Variants in MYCBP2 observed in about 807,000 individuals in gnomAD.
MYCBP2 encodes E3 ubiquitin-protein ligase MYCBP2.
In MYCBP2, 120 loss-of-function variants were observed where a neutral mutation model predicts 525.3. The ratio of observed to expected loss-of-function variants is 0.23; its 90% confidence interval spans 0.20 to 0.27. MYCBP2 has a LOEUF of 0.27. MYCBP2 is among the 10% of genes least tolerant of loss of function. The probability of loss-of-function intolerance (pLI) is 1.00; values close to 1 mark genes in which losing one functional copy is unlikely to be tolerated. For synonymous variants in MYCBP2, 1,894 were observed against 1,955.8 expected (o/e 0.97, Z 0.83); for missense variants, 4,149 against 5,657.1 (o/e 0.73, Z 8.55).
At chr13:77,160,714 CTACATA>C (rs2057807590) in intron 44 of MYCBP2, among the ~76,000 whole-genome samples, 1 of 152,174 alleles carries the variant, frequency 6.6e-6, no homozygotes, top group African/African-American at 2.4e-5. Flanking sequence ...CTATTACTAA[CTACATA>C]TACCTAGTAT....
rs770229127 is a variant in MYCBP2 at position 77,098,194 on chromosome 13, T to G, written c.8960A>C (p.Lys2987Thr). The G allele has an allele frequency of 1.2e-6, 2 of 1,613,610 alleles. No homozygotes were observed. The highest frequency in any genetic ancestry group is 1.7e-6 in the Non-Finnish European group (2 of 1,179,798). ...TCTATTAGCACATTTTCGACTTATTTTGGGAGATGCTCTCATTTCCTGTTC... is the reference window on the plus strand; with the variant it reads ...TCTATTAGCACATTTTCGACTTATTGTGGGAGATGCTCTCATTTCCTGTTC... ...KDEQEMRASP[K>T]ISRKCANRHT... Residue 2987 changes from lysine to threonine, a missense_variant, in exon 56 of 83, where the codon AAA becomes ACA. By Grantham distance (78) the Lys-to-Thr change is moderately conservative. Coordinates refer to ENST00000544440, the MANE Select transcript of MYCBP2 (RefSeq NM_015057.5).
intron 28 of MYCBP2, among the ~76,000 whole-genome samples, chr13:77,191,236 A>C (rs2061265759): frequency 6.6e-6 from 1 of 152,244 alleles, no homozygotes; most frequent in South Asian, 2.1e-4. Flanking sequence ...CGTGAAAGTT[A>C]TTTTAAAACA....
chr13:77,146,466 C>T (rs1379367770), intron 47 of MYCBP2, among the ~76,000 whole-genome samples: 2 of 150,598 alleles, frequency 1.3e-5, no homozygotes, highest in African/African-American at 4.9e-5. Context: ...CTTTTGAGTA[C>T]ATTAAAATTT....
chr13:77,230,023 T>A (rs563234238), intron 18 of MYCBP2, among the ~76,000 whole-genome samples: 4 of 152,238 alleles, frequency 2.6e-5, no homozygotes, highest in African/African-American at 4.8e-5. Flanking sequence ...CTGTTTCGAA[T>A]ATAGTTTATA....
chr13:77,075,102 G>A (rs976415683), intron 68 of MYCBP2, among the ~76,000 whole-genome samples: 11 of 152,176 alleles, frequency 7.2e-5, no homozygotes, highest in Middle Eastern at 3.2e-3. Flanking sequence ...CAGCTACTTG[G>A]GAGGCTGAGA....
At chr13:77,307,625 CAAAAAAAAAAAAAAAAA>C (rs763388200) in intron 1 of MYCBP2, among the ~76,000 whole-genome samples, 1 of 30,114 alleles carries the variant, frequency 3.3e-5, no homozygotes, top group Admixed American at 3.9e-4. Context: ...GACCCTGTCT[CAAAAAAAAAAAAAAAAA>C]AAAAAAAAAA....
intron 71 of MYCBP2, 28 bp from the exon 72 acceptor site, chr13:77,066,116 C>A (rs559064239): frequency 1.4e-6 from 2 of 1,473,332 alleles, no homozygotes; most frequent in Middle Eastern, 1.7e-4. Context: ...ACTTAAAAAG[C>A]CAATAAATTA....
chr13:77,273,167 A>G (rs1197068660), intron 5 of MYCBP2, among the ~76,000 whole-genome samples: 2 of 152,202 alleles, frequency 1.3e-5, no homozygotes, highest in African/African-American at 4.8e-5. Flanking sequence ...TCAGGGAAAG[A>G]TGGGAAGAAG....
In MYCBP2 at chr13:77,070,843, T is replaced by C; in HGVS notation, c.11824-132A>G. The C allele has an allele frequency of 5.6e-6, 3 of 538,566 alleles. No individual in the cohort carries two copies. The East Asian group carries it at 9.3e-5, about 17-fold the overall frequency. 33.4% of individuals were successfully genotyped at this position (538,566 alleles called of 1,614,324 possible). On this transcript the variant is annotated intron_variant, in intron 68 of 82. Coordinates refer to ENST00000544440, the MANE Select transcript of MYCBP2 (RefSeq NM_015057.5). ...ATTTTTAAAGTAAATTTATTTTAAA[T>C]TGAGGCTTATAATACTAAGACAAAG...
intron 4 of MYCBP2, among the ~76,000 whole-genome samples, chr13:77,275,353 T>A (rs901601500): frequency 6.6e-6 from 1 of 152,236 alleles, no homozygotes; most frequent in African/African-American, 2.4e-5. Flanking sequence ...GTCACAAGAC[T>A]GTTTCCTTCA....
At chr13:77,137,681 T>C (rs2053967254) in intron 52 of MYCBP2, among the ~76,000 whole-genome samples, 1 of 152,116 alleles carries the variant, frequency 6.6e-6, no homozygotes, top group African/African-American at 2.4e-5. Flanking sequence ...CTCCACCTCC[T>C]GAGTTCCAGC....
rs568751882 is a variant in MYCBP2, at chr13:77,052,058, G to A, written c.13648-140C>T. On this transcript the variant is annotated intron_variant, in intron 80 of 82. Transcript: ENST00000544440. ...ACTAGACCATCCCTTGAAATGCCAA[G>A]TGCATGCCCATATTGCTTGCTGACT... 12 of 637,114 alleles carry A rather than the reference G, an allele frequency of 1.9e-5. No homozygotes were observed. The East Asian group carries it at 1.9e-4, about 10-fold the overall frequency. The allele number at this position is 637,114 out of a possible 1,614,324, so 39.5% of individuals were successfully genotyped here.
Position 77,326,333 on chromosome 13 carries a change from A to T in MYCBP2, c.302+141T>A. The stretch of plus-strand genomic sequence containing the variant: ...TCCTATCTCGATAAGTGCTCCTGCC[A>T]ACAGACATCCAGAGCGGACTGAAAG... On this transcript the variant is annotated intron_variant, in intron 1 of 82. Transcript: ENST00000544440. The surrounding 1 kb of genome is among the most constrained non-coding windows in gnomAD (Gnocchi z 4.2). 2.5e-6 allele frequency: 2 copies of T among 812,182 alleles called. No individual in the cohort carries two copies. The highest frequency in any genetic ancestry group is 3.6e-6 in the Non-Finnish European group (2 of 551,364). The allele number at this position is 812,182 out of a possible 1,614,324, so 50.3% of individuals were successfully genotyped here.
chr13:77,180,432 C>T (rs996894108), intron 33 of MYCBP2, 114 bp from the exon 34 acceptor site: 1 of 845,416 alleles, frequency 1.2e-6, no homozygotes, highest in Admixed American at 2.8e-5. Context: ...GAATCAGGGT[C>T]AATTTCTACA....
In MYCBP2 at chr13:77,092,318, C is replaced by G. The variant is rs1038331913; in HGVS notation, c.10367+847G>C. Among the ~76,000 whole-genome samples, 42 of 152,108 alleles carry G rather than the reference C, an allele frequency of 2.8e-4. 1 individual carries two copies. Among genetic ancestry groups the G allele is most frequent in the African/African-American group, 9.7e-4 (40 of 41,408 alleles). ...TTATCTTTTTCATTATCCAGTTAGTCAACAAGTCACACTTATTTTTCCTAC... is the reference window on the plus strand; with the variant it reads ...TTATCTTTTTCATTATCCAGTTAGTGAACAAGTCACACTTATTTTTCCTAC... On this transcript the variant is annotated intron_variant, in intron 59 of 82. Coordinates refer to ENST00000544440, the MANE Select transcript of MYCBP2 (RefSeq NM_015057.5).
At chr13:77,111,502 A>G (rs2048816825) in intron 55 of MYCBP2, among the ~76,000 whole-genome samples, 1 of 151,358 alleles carries the variant, frequency 6.6e-6, no homozygotes, top group South Asian at 2.1e-4. Flanking sequence ...CTGCAGCCTC[A>G]AACTCCTGGG....
At chr13:77,130,781 AC>A (rs2052640426) in intron 52 of MYCBP2, among the ~76,000 whole-genome samples, 1 of 152,118 alleles carries the variant, frequency 6.6e-6, no homozygotes, top group Admixed American at 6.6e-5. Flanking sequence ...AAACAATATC[AC>A]TTTTTTTTAG....
Position 77,083,071 on chromosome 13 carries a change from G to C in MYCBP2, c.10997C>G (p.Ser3666Cys), listed in dbSNP as rs985024282. The change falls in exon 63 of 83, where the codon TCT becomes TGT. Residue 3666 changes from serine (S) to cysteine (C), a missense_variant. By Grantham distance (112) the Ser-to-Cys change is moderately radical (BLOSUM62 -1). Around this residue, in one of 21 missense-constraint regions of MYCBP2, gnomAD observed 509 missense variants for 789.4 expected, o/e 0.64. Transcript: ENST00000544440. Reference sequence around the variant, plus strand: ...CTGTAATGAACTGCCGCTGGGGAGAGACATCATAAGGTCTGAGATGGTCTG... The same window carrying C: ...CTGTAATGAACTGCCGCTGGGGAGACACATCATAAGGTCTGAGATGGTCTG... The part of the protein sequence containing the change: ...LLQTISDLMM[S>C]LPSGSSLQQM... 12 of 1,613,384 alleles carry C rather than the reference G, an allele frequency of 7.4e-6. No homozygotes were observed. The highest frequency in any genetic ancestry group is 9.3e-6 in the Non-Finnish European group (11 of 1,179,576).
chr13:77,086,239 CG>C (rs2044241598), intron 62 of MYCBP2, among the ~76,000 whole-genome samples: 1 of 151,920 alleles, frequency 6.6e-6, no homozygotes, highest in African/African-American at 2.4e-5. Context: ...TCTTTCAGCA[CG>C]TTGAAAAAAA....
Sources: gnomAD v4.1 joint callset for allele counts (sites outside exome capture counted in the v4.1 genomes callset) on GRCh38, gnomAD v4.1.1 for gene constraint, gnomAD v4.1.1 regional missense constraint, Gnocchi (gnomAD v3.1) non-coding constraint, MANE v1.5 for transcripts, NCBI Gene and HGNC (gene_info 2026-07-23, HGNC 2026-07-21) for gene names.